MAN1A2: variants seen among roughly 807,000 people sequenced by gnomAD.
MAN1A2 encodes the protein mannosidase alpha class 1A member 2, also known as mannosyl-oligosaccharide 1,2-alpha-mannosidase IB.
Under a neutral mutation model 75.7 loss-of-function variants are expected in MAN1A2, and 26 were observed. The ratio of observed to expected loss-of-function variants is 0.34; its 90% confidence interval spans 0.25 to 0.48. The LOEUF (loss-of-function observed/expected upper bound fraction) is 0.48. Ranked by LOEUF, MAN1A2 falls within the 20% of genes least tolerant of loss-of-function variation. The probability of loss-of-function intolerance (pLI) is 0.99; values close to 1 mark genes in which losing one functional copy is unlikely to be tolerated. For synonymous variants in MAN1A2, 247 were observed against 264.6 expected, an observed-to-expected ratio of 0.93 and a Z score of 0.65; for missense variants, 562 against 775.5, an observed-to-expected ratio of 0.72 and a Z score of 3.27.
At chr1:117,393,510 A>C (rs527730730) in intron 1 of MAN1A2, among the ~76,000 whole-genome samples, 1 of 150,824 alleles carries the variant, frequency 6.6e-6, no homozygotes, top group African/African-American at 2.4e-5. Context: ...GTTTTCCTGG[A>C]TTCTCTGAAA....
intron 6 of MAN1A2, among the ~76,000 whole-genome samples, chr1:117,443,758 T>G (rs2101815124): frequency 6.6e-6 from 1 of 152,260 alleles, no homozygotes; most frequent in Non-Finnish European, 1.5e-5. Flanking sequence ...ATGTAATTAT[T>G]TACCTATTTA....
At chr1:117,384,209 G>GT (rs1653445648) in intron 1 of MAN1A2, among the ~76,000 whole-genome samples, 1 of 151,980 alleles carries the variant, frequency 6.6e-6, no homozygotes. Context: ...TCTTTAAGTT[G>GT]TAAAGATTAT....
intron 10 of MAN1A2, among the ~76,000 whole-genome samples, 181 bp from the exon 11 acceptor site, chr1:117,499,200 AT>A: frequency 6.6e-6 from 1 of 152,082 alleles, no homozygotes; most frequent in East Asian, 1.9e-4. Context: ...TTATAAGTCT[AT>A]TTTAAGAAAA....
At position 117,493,415 on chromosome 1, in the gene MAN1A2, C is replaced by G. The variant is rs1431994251; in HGVS notation, c.1284+153C>G. 6.3e-6 allele frequency: 3 copies of G among 478,966 alleles called. No individual in the cohort carries two copies. The East Asian group carries it at 1.0e-4, about 17-fold the overall frequency. 29.7% of individuals were successfully genotyped at this position (478,966 alleles called of 1,614,324 possible). A position where few individuals can be genotyped will look rare whatever the true frequency, so the allele number is the denominator to read the frequency against. On this transcript the variant is annotated intron_variant, in intron 9 of 12. Transcript: ENST00000356554. ...TATGCATTCACTGTAGAGTTTGTTA[C>G]TATTTTAATAGAAAAGCCTCATATT...
intron 1 of MAN1A2, among the ~76,000 whole-genome samples, chr1:117,378,372 A>T (rs1357898072): frequency 6.6e-6 from 1 of 152,124 alleles, no homozygotes; most frequent in African/African-American, 2.4e-5. Flanking sequence ...ATTATTTATC[A>T]TTCTGCAAGT....
intron 8 of MAN1A2, among the ~76,000 whole-genome samples, chr1:117,474,574 T>G (rs1650259483): frequency 6.6e-6 from 1 of 150,904 alleles, no homozygotes; most frequent in Admixed American, 6.6e-5. Flanking sequence ...AATTTCAGTT[T>G]GAGAGTCTCA....
chr1:117,473,159 C>T (rs1234523456), intron 8 of MAN1A2, among the ~76,000 whole-genome samples: 1 of 151,940 alleles, frequency 6.6e-6, no homozygotes, highest in East Asian at 1.9e-4. Flanking sequence ...TTCTATCCAC[C>T]TCAAAACCTG....
chr1:117,443,823 G>A (rs909764875), intron 6 of MAN1A2, among the ~76,000 whole-genome samples: 3 of 151,844 alleles, frequency 2.0e-5, no homozygotes, highest in African/African-American at 2.4e-5. Flanking sequence ...TTGCCTAGGC[G>A]GATCTCGAAT....
At chr1:117,388,734 C>G (rs1163441709) in intron 1 of MAN1A2, among the ~76,000 whole-genome samples, 4 of 152,154 alleles carry the variant, frequency 2.6e-5, no homozygotes, top group African/African-American at 9.7e-5. Context: ...TTAGTGGGGT[C>G]ATATATTAAA....
In MAN1A2 at chr1:117,368,091, C is replaced by A; in HGVS notation, c.-93C>A. ...TAAGAGGAGCAAAATTGAGTTTTCC[C>A]ATTTTGGCCAAGATTTTGAAGACAG... is the stretch of plus-strand genomic sequence containing the variant. On this transcript the variant is annotated 5_prime_UTR_variant, in exon 1 of 13. Coordinates refer to ENST00000356554, the MANE Select transcript of MAN1A2 (RefSeq NM_006699.5). 1 of 1,297,094 alleles carries A rather than the reference C, an allele frequency of 7.7e-7. No homozygotes were observed. The highest frequency in any genetic ancestry group is 1.1e-6 in the Non-Finnish European group (1 of 949,066). 80.3% of individuals were successfully genotyped at this position (1,297,094 alleles called of 1,614,324 possible).
At chr1:117,465,243 CAGAA>C (rs1257792401) in intron 7 of MAN1A2, among the ~76,000 whole-genome samples, 14 of 152,052 alleles carry the variant, frequency 9.2e-5, no homozygotes, top group East Asian at 3.9e-4. Flanking sequence ...TAAAAGGAGA[CAGAA>C]AGAAAATGAT....
intron 11 of MAN1A2, among the ~76,000 whole-genome samples, chr1:117,501,268 T>A (rs1288655858): frequency 6.6e-6 from 1 of 151,746 alleles, no homozygotes; most frequent in Non-Finnish European, 1.5e-5. Flanking sequence ...GAACAAGAAC[T>A]AGAGTAGTTA....
At chr1:117,399,872 T>A (rs940552694) in intron 1 of MAN1A2, among the ~76,000 whole-genome samples, 3 of 152,126 alleles carry the variant, frequency 2.0e-5, no homozygotes, top group Non-Finnish European at 2.9e-5. Flanking sequence ...TTCTCTCTGG[T>A]TGAAATAGGG....
At chr1:117,471,992 G>T (rs1650175682) in intron 8 of MAN1A2, among the ~76,000 whole-genome samples, 1 of 151,762 alleles carries the variant, frequency 6.6e-6, no homozygotes, top group African/African-American at 2.4e-5. Flanking sequence ...GCTTACAGCA[G>T]AAGGACATAC....
intron 8 of MAN1A2, among the ~76,000 whole-genome samples, chr1:117,471,150 A>G (rs1650141478): frequency 6.6e-6 from 1 of 151,842 alleles, no homozygotes; most frequent in Admixed American, 6.6e-5. Context: ...TTATATTACT[A>G]AATTTATAAT....
Position 117,460,537 on chromosome 1 carries a change from G to C in MAN1A2, c.999G>C (p.Leu333=), listed in dbSNP as rs1649784782. Residue 333 remains leucine, a synonymous_variant, in exon 7 of 13, where the codon CTG becomes CTC. Transcript: ENST00000356554. The part of the protein sequence containing the change: ...WGWASAGSSI[L]AEFGTLHMEF... ...GGGCATCTGCAGGTAGCAGCATTCT[G>C]GCTGAATTTGGTACACTACATATGG... 5 of 1,612,598 alleles carry C rather than the reference G, an allele frequency of 3.1e-6. No individual in the cohort carries two copies. In the South Asian group the frequency reaches 5.5e-5, roughly 18 times the overall value.
intron 6 of MAN1A2, among the ~76,000 whole-genome samples, chr1:117,459,212 G>C (rs1232329075): frequency 6.6e-6 from 1 of 152,152 alleles, no homozygotes; most frequent in East Asian, 1.9e-4. Context: ...CTGCTAAAAT[G>C]ACTGAAACAT....
intron 1 of MAN1A2, among the ~76,000 whole-genome samples, chr1:117,390,954 A>G (rs961377497): frequency 6.6e-6 from 1 of 152,166 alleles, no homozygotes; most frequent in Admixed American, 6.5e-5. Flanking sequence ...CATTTAAAGT[A>G]TACAATTCAG....
At position 117,390,085 on chromosome 1, in the gene MAN1A2, T is replaced by C. The variant is rs559219474; in HGVS notation, c.303-12101T>C. 1.1e-3 allele frequency among the ~76,000 whole-genome samples: 173 copies of C among 152,252 alleles called. 1 individual carries two copies. The highest frequency in any genetic ancestry group is 3.9e-3 in the African/African-American group (161 of 41,542). ...AGTAGTTTTCTGTGTTTATGAGGGA[T>C]ATTAGTTTGTTTGTTTATTTATTTA... On this transcript the variant is annotated intron_variant, in intron 1 of 12. Transcript: ENST00000356554.
Sources: gnomAD v4.1 joint callset for allele counts (sites outside exome capture counted in the v4.1 genomes callset) on GRCh38, gnomAD v4.1.1 for gene constraint, MANE v1.5 for transcripts, NCBI Gene and HGNC (gene_info 2026-07-23, HGNC 2026-07-21) for gene names.